The following TESC variants were observed in gnomAD, a reference collection of about 807,000 sequenced individuals.
The protein encoded by TESC is tescalcin, also known as calcineurin B homologous protein 3.
Under a neutral mutation model 31.0 loss-of-function variants are expected in TESC, and 19 were observed. The observed-to-expected ratio is 0.61, with a 90% confidence interval of 0.43 to 0.90. TESC has a LOEUF of 0.90. Among genes scored for constraint, TESC ranks in the 40% least tolerant of loss-of-function variants. The pLI is 0.00. For missense variants in TESC, 248 were observed against 303.8 expected (o/e 0.82, Z 1.36); for synonymous variants, 109 against 114.8 (o/e 0.95, Z 0.32).
intron 6 of TESC, among the ~76,000 whole-genome samples, chr12:117,045,282 G>C (rs928771297): frequency 6.6e-6 from 1 of 152,354 alleles, no homozygotes; most frequent in South Asian, 2.1e-4. Context: ...CCTCCGCCCC[G>C]AGATGCCTCT....
At chr12:117,082,360 C>T (rs542600315) in intron 1 of TESC, among the ~76,000 whole-genome samples, 3 of 151,764 alleles carry the variant, frequency 2.0e-5, no homozygotes, top group African/African-American at 7.3e-5. Context: ...AAAAATTAGC[C>T]GGGCATGGTG....
At chr12:117,039,495 G>C (rs1477409558) in intron 7 of TESC, among the ~76,000 whole-genome samples, 3 of 152,158 alleles carry the variant, frequency 2.0e-5, no homozygotes, top group African/African-American at 7.2e-5. Flanking sequence ...TTAGCTCCAA[G>C]GCATTTGAAT....
intron 1 of TESC, among the ~76,000 whole-genome samples, chr12:117,077,368 T>G (rs997441095): frequency 2.6e-5 from 4 of 152,214 alleles, no homozygotes; most frequent in Non-Finnish European, 5.9e-5. Context: ...ATTTAGATCA[T>G]AGGTATGTCA....
chr12:117,070,422 C>A (rs1323132200), intron 2 of TESC, among the ~76,000 whole-genome samples: 1 of 152,192 alleles, frequency 6.6e-6, no homozygotes, highest in Non-Finnish European at 1.5e-5. Flanking sequence ...CTCCTTCCTG[C>A]AGGCTGGGCT....
At chr12:117,041,282 C>T (rs1250803181) in intron 7 of TESC, among the ~76,000 whole-genome samples, 1 of 152,150 alleles carries the variant, frequency 6.6e-6, no homozygotes, top group East Asian at 1.9e-4. Context: ...TTCCGAGAAA[C>T]ACTATTTCTA....
At chr12:117,075,873 GTGTA>G (rs1565971438) in intron 1 of TESC, among the ~76,000 whole-genome samples, 1 of 22,222 alleles carries the variant, frequency 4.5e-5, no homozygotes, top group Non-Finnish European at 7.7e-5. Context: ...ATATATATGT[GTGTA>G]TATATATATA....
At position 117,065,296 on chromosome 12, in the gene TESC, G is replaced by A. The variant is rs151309774; in HGVS notation, c.129-8410C>T. Among the ~76,000 whole-genome samples the A allele has an allele frequency of 2.7e-3, 414 of 152,268 alleles. 2 individuals carry two copies. The highest frequency in any genetic ancestry group is 9.7e-3 in the African/African-American group (404 of 41,524). On this transcript the variant is annotated intron_variant, in intron 2 of 7. Transcript: ENST00000335209. ...CAGCTGGATGAGGGCAGGGGCTGGG[G>A]GAGCAGAGGAAGAAGGGGAGAGAAG...
At chr12:117,056,323 C>G (rs2062527) in intron 3 of TESC, among the ~76,000 whole-genome samples, 21,637 of 142,862 alleles carry the variant, frequency 0.15, 1,705 homozygotes, top group Middle Eastern at 0.22. Flanking sequence ...TCCCAAAGTG[C>G]TGGGATTACA....
chr12:117,056,384 T>C (rs1954724938), intron 3 of TESC, among the ~76,000 whole-genome samples: 1 of 137,584 alleles, frequency 7.3e-6, no homozygotes. Flanking sequence ...AAAAGTCTTA[T>C]TTTTTAGAAA....
At chr12:117,070,683 CCTCT>C (rs1376990435) in intron 2 of TESC, among the ~76,000 whole-genome samples, 1 of 152,162 alleles carries the variant, frequency 6.6e-6, no homozygotes, top group Non-Finnish European at 1.5e-5. Context: ...AGGTACATGG[CCTCT>C]CTCTCTAGCC....
chr12:117,070,729 A>G (rs1954958465), intron 2 of TESC, among the ~76,000 whole-genome samples: 1 of 152,166 alleles, frequency 6.6e-6, no homozygotes, highest in Admixed American at 6.5e-5. Context: ...GGGGAGAGTG[A>G]GCGTCCCTAC....
chr12:117,077,726 T>C (rs1955092488), intron 1 of TESC, among the ~76,000 whole-genome samples: 1 of 152,144 alleles, frequency 6.6e-6, no homozygotes, highest in South Asian at 2.1e-4. Flanking sequence ...TAGTGGCTGC[T>C]CTTAAGGGAG....
intron 3 of TESC, among the ~76,000 whole-genome samples, chr12:117,054,401 G>C (rs78629908): frequency 1.4e-4 from 21 of 151,976 alleles, no homozygotes; most frequent in Non-Finnish European, 2.5e-4. Context: ...GATGCTGTCC[G>C]ATGCAGCCTG....
Position 117,049,005 on chromosome 12 carries a change from T to C in TESC, c.349+14A>G, listed in dbSNP as rs1954608225. ...CCAGGCCAGGTGTGAGCAAGGGGAC[T>C]CAGTGGCACGCACATCTCAGCTTCT... On this transcript the variant is annotated intron_variant, in intron 4 of 7. Coordinates refer to ENST00000335209, the MANE Select transcript of TESC (RefSeq NM_017899.4). 3 of 1,614,082 alleles carry C rather than the reference T, an allele frequency of 1.9e-6. No individual in the cohort carries two copies. The highest frequency in any genetic ancestry group is 2.5e-6 in the Non-Finnish European group (3 of 1,179,996).
At chr12:117,059,783 C>T (rs1024950344) in intron 2 of TESC, among the ~76,000 whole-genome samples, 28 of 152,138 alleles carry the variant, frequency 1.8e-4, no homozygotes, top group Admixed American at 1.8e-3. Context: ...AGTAGAGGTG[C>T]GGTTTCACCA....
chr12:117,075,845 GTGTA>G (rs1565971286), intron 1 of TESC, among the ~76,000 whole-genome samples: 3 of 36,002 alleles, frequency 8.3e-5, no homozygotes, highest in Non-Finnish European at 1.5e-4. Context: ...TCGTGTGTGT[GTGTA>G]TATATATATA....
At chr12:117,069,469 C>T (rs1434158414) in intron 2 of TESC, among the ~76,000 whole-genome samples, 5 of 152,130 alleles carry the variant, frequency 3.3e-5, no homozygotes, top group Non-Finnish European at 7.3e-5. Context: ...GAACTCCTGA[C>T]CTCAAGTGAT....
chr12:117,068,473 G>A (rs189705315), intron 2 of TESC, among the ~76,000 whole-genome samples: 2 of 152,290 alleles, frequency 1.3e-5, no homozygotes, highest in African/African-American at 4.8e-5. Context: ...AGGTTGCAGT[G>A]AGCCAAGATC....
At chr12:117,046,508 C>T in intron 6 of TESC, 51 bp downstream of exon 6, 1 of 1,501,362 alleles carries the variant, frequency 6.7e-7, no homozygotes, top group Non-Finnish European at 8.9e-7. Context: ...AAACGCAGAC[C>T]ATAAGCGGGA....
Sources: allele counts gnomAD v4.1 joint callset (sites outside exome capture counted in the v4.1 genomes callset), GRCh38; gene constraint gnomAD v4.1.1; transcripts MANE v1.5; gene names NCBI Gene and HGNC (gene_info 2026-07-23, HGNC 2026-07-21).